Variants in DLGAP1 observed in about 807,000 individuals in gnomAD.
DLGAP1 encodes disks large-associated protein 1.
Under a neutral mutation model 90.8 loss-of-function variants are expected in DLGAP1, and 11 were observed. The ratio of observed to expected loss-of-function variants is 0.12; its 90% CI spans 0.08 to 0.20. The LOEUF (loss-of-function observed/expected upper bound fraction) is 0.20. DLGAP1 is among the 10% of genes least tolerant of loss of function. The pLI, the probability that DLGAP1 is intolerant of heterozygous loss-of-function variation, is 1.00. For missense variants in DLGAP1, 1,050 were observed against 1,333.8 expected (o/e 0.79, Z 3.31); for synonymous variants, 558 against 540.7 (o/e 1.03, Z -0.44).
At chr18:3,550,284 G>C (rs7230095) in intron 9 of DLGAP1, among the ~76,000 whole-genome samples, 1 of 151,958 alleles carries the variant, frequency 6.6e-6, no homozygotes, top group East Asian at 1.9e-4. Flanking sequence ...GCAGTGCAGT[G>C]GCACAATCAC....
intron 1 of DLGAP1, among the ~76,000 whole-genome samples, chr18:4,219,317 G>A (rs577080787): frequency 6.6e-6 from 1 of 150,532 alleles, no homozygotes; most frequent in East Asian, 2.0e-4. Flanking sequence ...CATTTTTTTT[G>A]GACTGGGTTA....
chr18:3,966,110 TGATAGGGTG>T lies in DLGAP1; in HGVS notation c.-73+38997_-73+39005del, dbSNP rs550543600. 1.1e-4 allele frequency among the ~76,000 whole-genome samples: 17 copies of T among 151,924 alleles called. No individual in the cohort carries two copies. In the South Asian group the frequency reaches 3.3e-3, roughly 30 times the overall value. On this transcript the variant is annotated intron_variant, in intron 3 of 12. Coordinates refer to ENST00000315677, the MANE Select transcript of DLGAP1 (RefSeq NM_004746.4). ...AAAAAAATAAAAATGGGACACAGAA[TGATAGGGTG>T]GTAGAAACCACATTCGCTAATGCGG... is the stretch of plus-strand genomic sequence containing the variant.
At chr18:4,207,751 T>G (rs1292789606) in intron 1 of DLGAP1, among the ~76,000 whole-genome samples, 2 of 152,208 alleles carry the variant, frequency 1.3e-5, no homozygotes, top group African/African-American at 4.8e-5. Context: ...GCCAAACTGC[T>G]ATCCACCACT....
At chr18:3,741,542 A>G (rs551022398) in intron 6 of DLGAP1, among the ~76,000 whole-genome samples, 1 of 146,756 alleles carries the variant, frequency 6.8e-6, no homozygotes, top group South Asian at 2.2e-4. Flanking sequence ...ACCATCACCA[A>G]CATCACCACC....
intron 2 of DLGAP1, among the ~76,000 whole-genome samples, chr18:4,068,494 TACCAACA>T (rs1222350185): frequency 6.6e-6 from 1 of 152,036 alleles, no homozygotes; most frequent in Admixed American, 6.6e-5. Flanking sequence ...ATATTTAATA[TACCAACA>T]ATATCATGAA....
chr18:4,369,127 G>T (rs1185004713), intron 1 of DLGAP1, among the ~76,000 whole-genome samples: 1 of 152,206 alleles, frequency 6.6e-6, no homozygotes, highest in Non-Finnish European at 1.5e-5. Context: ...GGAAGAGCCA[G>T]AAATAGAGCT....
chr18:4,231,039 T>G (rs934113281), intron 1 of DLGAP1, among the ~76,000 whole-genome samples: 1 of 152,122 alleles, frequency 6.6e-6, no homozygotes, highest in African/African-American at 2.4e-5. Flanking sequence ...GTTTCAATAC[T>G]TGCTCAAATT....
chr18:3,765,117 C>CTTTT (rs921982904), intron 5 of DLGAP1, among the ~76,000 whole-genome samples: 75 of 126,346 alleles, frequency 5.9e-4, no homozygotes, highest in East Asian at 8.6e-4. Context: ...CACTTGCAAA[C>CTTTT]TTTTTTTTTT....
At chr18:4,351,825 C>T (rs1457252333) in intron 1 of DLGAP1, among the ~76,000 whole-genome samples, 1 of 152,138 alleles carries the variant, frequency 6.6e-6, no homozygotes, top group Non-Finnish European at 1.5e-5. Flanking sequence ...TTGCACTATG[C>T]TAAGATTTAA....
chr18:3,741,121 T>C (rs1405466248), intron 6 of DLGAP1, among the ~76,000 whole-genome samples: 104 of 49,692 alleles, frequency 2.1e-3, no homozygotes, highest in Non-Finnish European at 2.6e-3. Context: ...ACCACCACCA[T>C]CACCACCACC....
At chr18:4,257,073 A>G (rs11664549) in intron 1 of DLGAP1, among the ~76,000 whole-genome samples, 3,627 of 152,314 alleles carry the variant, frequency 0.024, 100 homozygotes, top group African/African-American at 0.058. Flanking sequence ...AAGGAAGAAG[A>G]AGCCTACAGA....
intron 5 of DLGAP1, among the ~76,000 whole-genome samples, chr18:3,747,651 C>T (rs928129267): frequency 2.6e-5 from 4 of 152,108 alleles, no homozygotes; most frequent in Non-Finnish European, 5.9e-5. Flanking sequence ...GAAAAATGAG[C>T]GTCTGCTGGC....
In DLGAP1 at chr18:3,565,804, C is replaced by T. The variant is rs2054394275; in HGVS notation, c.2057+1686G>A. ...GAGCCGAAATTGCACCACTGCACCC[C>T]AGCCTGGGCGACAGAGTGAGACTCT... is the stretch of plus-strand genomic sequence containing the variant. On this transcript the variant is annotated intron_variant, in intron 9 of 12. Coordinates refer to ENST00000315677, the MANE Select transcript of DLGAP1 (RefSeq NM_004746.4). The surrounding 1 kb of genome is among the most constrained non-coding windows in gnomAD (Gnocchi z 4.0). Among the ~76,000 whole-genome samples the T allele has an allele frequency of 2.0e-5, 3 of 151,912 alleles. No individual in the cohort carries two copies. Among genetic ancestry groups the T allele is most frequent in the African/African-American group, 7.3e-5 (3 of 41,374 alleles).
chr18:4,348,400 ATGTG>A (rs71160958), intron 1 of DLGAP1, among the ~76,000 whole-genome samples: 32,496 of 132,878 alleles, frequency 0.24, 4,141 homozygotes, highest in Middle Eastern at 0.39. Flanking sequence ...GAACTCAGGA[ATGTG>A]TGTGTGTGTG....
At chr18:3,674,092 T>C (rs1171890324) in intron 7 of DLGAP1, among the ~76,000 whole-genome samples, 1 of 151,920 alleles carries the variant, frequency 6.6e-6, no homozygotes, top group Admixed American at 6.6e-5. Flanking sequence ...TCCACCTGCC[T>C]TGGCCTCCCA....
intron 1 of DLGAP1, among the ~76,000 whole-genome samples, chr18:4,347,757 T>C (rs2081325938): frequency 6.6e-6 from 1 of 152,062 alleles, no homozygotes; most frequent in Non-Finnish European, 1.5e-5. Context: ...AAGGGGAAGA[T>C]GCTAGTTATC....
chr18:3,783,159 G>A (rs1377859880), intron 5 of DLGAP1, among the ~76,000 whole-genome samples: 1 of 152,164 alleles, frequency 6.6e-6, no homozygotes, highest in African/African-American at 2.4e-5. Context: ...AGAATATGTT[G>A]TCCAGGATGT....
intron 1 of DLGAP1, among the ~76,000 whole-genome samples, chr18:4,381,131 A>G (rs2082107516): frequency 6.6e-6 from 1 of 152,196 alleles, no homozygotes; most frequent in African/African-American, 2.4e-5. Context: ...TGAAATAGAG[A>G]TGATGAAAAA....
chr18:4,429,820 A>G (rs906377226), intron 1 of DLGAP1, among the ~76,000 whole-genome samples: 1 of 152,234 alleles, frequency 6.6e-6, no homozygotes, highest in Admixed American at 6.5e-5. Flanking sequence ...AAAATGAGGG[A>G]ATAAATGGAT....
Sources: gnomAD v4.1 joint callset for allele counts (sites outside exome capture counted in the v4.1 genomes callset) on GRCh38, gnomAD v4.1.1 for gene constraint, Gnocchi (gnomAD v3.1) non-coding constraint, MANE v1.5 for transcripts, NCBI Gene and HGNC (gene_info 2026-07-23, HGNC 2026-07-21) for gene names.